ZNF536: variants seen among roughly 807,000 people sequenced by gnomAD.
ZNF536 encodes zinc finger protein 536.
ZNF536 carries 13 observed loss-of-function variants against 84.5 expected under a neutral mutation model. That is an observed-to-expected ratio of 0.15 (90% CI 0.10 to 0.24). The LOEUF (loss-of-function observed/expected upper bound fraction) is 0.24. ZNF536 is among the 10% of genes least tolerant of loss of function. The pLI is 1.00. For missense variants in ZNF536, 1,536 were observed against 1,747.5 expected (o/e 0.88, Z 2.16); for synonymous variants, 811 against 742.5 (o/e 1.09, Z -1.50).
At chr19:30,247,725 A>C (rs1040537028) in intron 1 of ZNF536, among the ~76,000 whole-genome samples, 1 of 152,150 alleles carries the variant, frequency 6.6e-6, no homozygotes, top group Non-Finnish European at 1.5e-5. Flanking sequence ...GCTACTTGGG[A>C]GACTGAGGTG....
Position 30,558,045 on chromosome 19 carries a change from A to C in ZNF536, c.*881A>C, listed in dbSNP as rs2046025621. 1 of 152,386 alleles carries C rather than the reference A, an allele frequency of 6.6e-6. No individual in the cohort carries two copies. The highest frequency in any genetic ancestry group is 2.1e-4 in the South Asian group (1 of 4,822). 9.4% of individuals were successfully genotyped at this position (152,386 alleles called of 1,614,324 possible). A position where few individuals can be genotyped will look rare whatever the true frequency, so the allele number is the denominator to read the frequency against. ...CTTGGTATTGCTAATAAAAAAAAAA[A>C]GCTGTGAAACATTAGTGCAGTTTGG... On this transcript the variant is annotated 3_prime_UTR_variant, in exon 5 of 5. Coordinates refer to ENST00000355537, the MANE Select transcript of ZNF536 (RefSeq NM_014717.3).
At chr19:30,234,396 C>CCT (rs2023309351) in intron 1 of ZNF536, among the ~76,000 whole-genome samples, 1 of 102,790 alleles carries the variant, frequency 9.7e-6, no homozygotes, top group Non-Finnish European at 1.9e-5. Context: ...TAGGCTCCTT[C>CCT]CTTTTTTTTT....
chr19:30,408,942 C>T (rs2050374450), intron 1 of ZNF536, among the ~76,000 whole-genome samples: 1 of 151,122 alleles, frequency 6.6e-6, no homozygotes, highest in African/African-American at 2.4e-5. Flanking sequence ...TCCACTCATC[C>T]ATTCATCCAT....
At chr19:30,450,029 GA>G (rs2052526141) in intron 2 of ZNF536, among the ~76,000 whole-genome samples, 1 of 132,444 alleles carries the variant, frequency 7.6e-6, no homozygotes, top group Non-Finnish European at 1.6e-5. Context: ...AGAAGAAAAA[GA>G]AAAAGAAAAA....
chr19:30,321,047 G>C (rs1462054660), intron 2 of ZNF536, among the ~76,000 whole-genome samples: 1 of 152,116 alleles, frequency 6.6e-6, no homozygotes, highest in African/African-American at 2.4e-5. Context: ...CCGTCCCTTG[G>C]GCGTGGGGCC....
At chr19:30,711,843 A>G (rs2052464578) in exon 2 of ZNF536, 1 of 152,226 alleles carries the variant, frequency 6.6e-6, no homozygotes, top group South Asian at 2.1e-4. Flanking sequence ...TAGAAAAACT[A>G]GCTAACCCCA....
In ZNF536 at chr19:30,297,915, CT is replaced by C. The variant is rs201788033; in HGVS notation, c.-120+13775del. ...TCTCAAGACGGAGTCCCCCCCCCCT[CT>C]GTCGCCCAGGCTGGAGTGCAGTGGT... On this transcript the variant is annotated intron_variant, in intron 2 of 5. Transcript: ENST00000585628. 3.0e-4 allele frequency among the ~76,000 whole-genome samples: 40 copies of C among 132,316 alleles called. 1 individual carries two copies. The highest frequency in any genetic ancestry group is 1.3e-3 in the Admixed American group (13 of 10,268). The allele number at this position is 132,316 out of a possible 152,430, so 86.8% of individuals were successfully genotyped here. A position where few individuals can be genotyped will look rare whatever the true frequency, so the allele number is the denominator to read the frequency against.
chr19:30,584,862 G>A (rs954784162), intron 1 of ZNF536, among the ~76,000 whole-genome samples: 7 of 152,152 alleles, frequency 4.6e-5, no homozygotes, highest in African/African-American at 7.2e-5. Flanking sequence ...TTGGGAGGCC[G>A]AGGCAGGAGA....
intron 3 of ZNF536, among the ~76,000 whole-genome samples, chr19:30,362,826 C>T (rs112133728): frequency 0.025 from 3,787 of 152,136 alleles, 178 homozygotes; most frequent in African/African-American, 0.086. Context: ...TTTGGGAGGC[C>T]GATGTGGGCA....
intron 1 of ZNF536, among the ~76,000 whole-genome samples, chr19:30,606,007 A>G (rs1422396916): frequency 1.3e-5 from 2 of 151,898 alleles, no homozygotes; most frequent in African/African-American, 2.4e-5. Context: ...TCTGTGAGAT[A>G]CTGAGCTGAG....
intron 1 of ZNF536, among the ~76,000 whole-genome samples, chr19:30,252,687 C>A (rs1479583442): frequency 6.6e-6 from 1 of 152,174 alleles, no homozygotes; most frequent in Non-Finnish European, 1.5e-5. Context: ...TCTTTGCCTG[C>A]CTAATGGAGT....
At chr19:30,559,410 C>T (rs2046078229), downstream of ZNF536, among the ~76,000 whole-genome samples, 1 of 152,222 alleles carries the variant, frequency 6.6e-6, no homozygotes, top group South Asian at 2.1e-4. Context: ...AGAAGTAGGG[C>T]CCCAGGAGAG....
Position 30,423,125 on chromosome 19 carries a change from C to G in ZNF536, c.-2-20436C>G, listed in dbSNP as rs111466663. Among the ~76,000 whole-genome samples, 4 of 91,796 alleles carry G rather than the reference C, an allele frequency of 4.4e-5. No homozygotes were observed. The South Asian group carries it at 1.4e-3, about 33-fold the overall frequency. 60.2% of individuals were successfully genotyped at this position (91,796 alleles called of 152,430 possible). ...TCTACACATCCATCCATCCATGCAT[C>G]CATCCATCCATCCATCCATCCATCC... On this transcript the variant is annotated intron_variant, in intron 1 of 4. Transcript: ENST00000355537.
At chr19:30,481,496 A>T (rs1221827535) in intron 2 of ZNF536, among the ~76,000 whole-genome samples, 1 of 152,168 alleles carries the variant, frequency 6.6e-6, no homozygotes, top group Admixed American at 6.5e-5. Context: ...CTTTTCTGCA[A>T]GTATTTTGAA....
chr19:30,427,888 G>A (rs2051283355), intron 1 of ZNF536, among the ~76,000 whole-genome samples: 1 of 152,184 alleles, frequency 6.6e-6, no homozygotes, highest in Non-Finnish European at 1.5e-5. Context: ...TTCTCACAAA[G>A]TCCAGGTTCA....
intron 1 of ZNF536, among the ~76,000 whole-genome samples, chr19:30,432,196 T>C (rs2147991253): frequency 6.6e-6 from 1 of 152,186 alleles, no homozygotes. Flanking sequence ...CTTCATGGCC[T>C]AGATGCTGGG....
intron 1 of ZNF536, among the ~76,000 whole-genome samples, chr19:30,609,010 C>A (rs1015101905): frequency 1.3e-5 from 2 of 152,214 alleles, no homozygotes; most frequent in Non-Finnish European, 2.9e-5. Context: ...TCTCTCTCAT[C>A]TTGGCTTGTT....
chr19:30,395,343 C>T (rs1370278869), intron 1 of ZNF536, among the ~76,000 whole-genome samples: 1 of 152,164 alleles, frequency 6.6e-6, no homozygotes, highest in Admixed American at 6.5e-5. Flanking sequence ...GCAGTATCTA[C>T]AGTCAAACAC....
chr19:30,227,048 T>A (rs1163694142), upstream of ZNF536, among the ~76,000 whole-genome samples: 1 of 151,654 alleles, frequency 6.6e-6, no homozygotes, highest in African/African-American at 2.4e-5. Flanking sequence ...AGTGTCCAGA[T>A]CTCGACGCGC....
Sources: gnomAD v4.1 joint callset for allele counts (sites outside exome capture counted in the v4.1 genomes callset) on GRCh38, gnomAD v4.1.1 for gene constraint, MANE v1.5 for transcripts, NCBI Gene and HGNC (gene_info 2026-07-23, HGNC 2026-07-21) for gene names.